Variants in TUB observed in about 807,000 individuals in gnomAD.
TUB encodes tubby protein homolog.
Under a neutral mutation model 59.7 loss-of-function variants are expected in TUB, and 33 were observed. That is an observed-to-expected ratio of 0.55 (90% CI 0.42 to 0.74). TUB has a LOEUF of 0.74. Among genes scored for constraint, TUB ranks in the 30% least tolerant of loss-of-function variants. TUB has a pLI of 0.00. For synonymous variants in TUB, 293 were observed against 256.4 expected, an observed-to-expected ratio of 1.14 and a Z score of -1.36; for missense variants, 659 against 672.0, an observed-to-expected ratio of 0.98 and a Z score of 0.21.
intron 1 of TUB, among the ~76,000 whole-genome samples, chr11:8,031,571 G>A (rs1204584483): frequency 6.6e-6 from 1 of 152,336 alleles, no homozygotes; most frequent in African/African-American, 2.4e-5. Context: ...CGGGGACCTC[G>A]GTCTGCCGTG....
intron 2 of TUB, among the ~76,000 whole-genome samples, chr11:8,043,447 A>G (rs955245677): frequency 1.6e-4 from 24 of 152,106 alleles, no homozygotes; most frequent in African/African-American, 5.3e-4. Flanking sequence ...CTGCTTGTCA[A>G]TTTCCACAAA....
intron 2 of TUB, among the ~76,000 whole-genome samples, chr11:8,055,061 A>T (rs1310133791): frequency 2.6e-5 from 4 of 152,142 alleles, no homozygotes; most frequent in Non-Finnish European, 4.4e-5. Context: ...CCTCAGCTAG[A>T]CAGAGAGGAG....
chr11:8,101,386 T>C, intron 11 of TUB, 100 bp from the exon 12 acceptor site: 2 of 1,453,228 alleles, frequency 1.4e-6, no homozygotes, highest in East Asian at 2.3e-5. Context: ...TGCTTCTCAC[T>C]TGTTCTTCCC....
chr11:8,079,713 GGT>G (rs1176497748), upstream of TUB, among the ~76,000 whole-genome samples: 3 of 140,634 alleles, frequency 2.1e-5, no homozygotes, highest in East Asian at 2.1e-4. Context: ...TGTGTGTAGG[GGT>G]GTGTGTGTGT....
intron 1 of TUB, among the ~76,000 whole-genome samples, chr11:8,082,558 C>T (rs182845286): frequency 1.3e-5 from 2 of 152,330 alleles, no homozygotes; most frequent in East Asian, 1.9e-4. Context: ...ACTCCTAAGG[C>T]CCACTGTGTT....
rs184942368 is a variant in TUB, at chr11:8,101,890, T to C, written c.*271T>C. On this transcript the variant is annotated 3_prime_UTR_variant, in exon 12 of 12. Coordinates refer to ENST00000299506, the MANE Select transcript of TUB (RefSeq NM_177972.3). ...TCAACACACACTCCCACCCTTGGGG[T>C]AGTAGTGTGTTGTAGTCGTACTTAC... 272 of 479,184 alleles carry C rather than the reference T, an allele frequency of 5.7e-4. No homozygotes were observed. Among genetic ancestry groups the C allele is most frequent in the Admixed American group, 8.9e-4 (25 of 28,172 alleles). The allele number at this position is 479,184 out of a possible 1,614,324, so 29.7% of individuals were successfully genotyped here.
chr11:8,054,475 A>C (rs11041721), intron 2 of TUB, among the ~76,000 whole-genome samples: 67,759 of 151,928 alleles, frequency 0.45, 16,635 homozygotes, highest in Middle Eastern at 0.61. Flanking sequence ...AGACAGAGAG[A>C]GAGCACAAGT....
At chr11:8,047,223 A>G (rs1176034685) in intron 2 of TUB, among the ~76,000 whole-genome samples, 1 of 152,128 alleles carries the variant, frequency 6.6e-6, no homozygotes, top group African/African-American at 2.4e-5. Flanking sequence ...TTCCATATGT[A>G]GTGCTCTTCC....
rs759561256 is a variant in TUB, at chr11:8,101,556, G to A, written c.1458G>A (p.Leu486=). Reference sequence around the variant, plus strand: ...TCACCATGGATTACAACTACCCGCTGTGTGCACTGCAGGCCTTTGCCATTG... The same window carrying A: ...TCACCATGGATTACAACTACCCGCTATGTGCACTGCAGGCCTTTGCCATTG... ...DVFTMDYNYP[L]CALQAFAIAL... Residue 486 remains leucine, a synonymous_variant, in exon 12 of 12, where the codon CTG becomes CTA. Transcript: ENST00000299506. 5.6e-6 allele frequency: 9 copies of A among 1,614,136 alleles called. No homozygotes were observed. The African/African-American group carries it at 9.3e-5, about 17-fold the overall frequency.
At chr11:8,065,107 T>C (rs970620805) in intron 2 of TUB, among the ~76,000 whole-genome samples, 5 of 152,102 alleles carry the variant, frequency 3.3e-5, no homozygotes, top group African/African-American at 1.2e-4. Flanking sequence ...GGCTGGGGGA[T>C]CATCACTCCA....
chr11:8,078,885 G>A (rs1168167354), upstream of TUB, among the ~76,000 whole-genome samples: 8 of 151,916 alleles, frequency 5.3e-5, no homozygotes, highest in South Asian at 2.1e-4. Context: ...ATATTCATGC[G>A]TACACTGGCG....
At chr11:8,044,771 T>C (rs535509234) in intron 2 of TUB, among the ~76,000 whole-genome samples, 12 of 152,338 alleles carry the variant, frequency 7.9e-5, no homozygotes, top group African/African-American at 2.9e-4. Flanking sequence ...TGGGGGTTCC[T>C]AGGACCCCTG....
At chr11:8,034,803 G>A (rs978975824), upstream of TUB, among the ~76,000 whole-genome samples, 29 of 152,088 alleles carry the variant, frequency 1.9e-4, no homozygotes, top group African/African-American at 6.5e-4. Flanking sequence ...ACAACCTGAC[G>A]GAGGGCAGGA....
At chr11:8,086,390 AG>A (rs1943666422) in intron 1 of TUB, among the ~76,000 whole-genome samples, 1 of 152,086 alleles carries the variant, frequency 6.6e-6, no homozygotes, top group African/African-American at 2.4e-5. Flanking sequence ...GGGGCGGAGA[AG>A]GGAACTGGGC....
At chr11:8,081,699 A>T (rs1243261350) in intron 1 of TUB, 151 bp downstream of exon 1, 9 of 839,256 alleles carry the variant, frequency 1.1e-5, no homozygotes, top group Non-Finnish European at 1.5e-5. Context: ...TCCTCCCTCA[A>T]CTTTGAGGGC....
chr11:8,038,767 C>T (rs755671107), exon 1 of TUB: 32 of 1,512,292 alleles, frequency 2.1e-5, no homozygotes, highest in Non-Finnish European at 2.5e-5. Context: ...CATCCAAGTG[C>T]TGGTTTCAGT....
chr11:8,048,826 A>G (rs148180481), intron 2 of TUB, among the ~76,000 whole-genome samples: 357 of 152,322 alleles, frequency 2.3e-3, no homozygotes, highest in African/African-American at 7.8e-3. Flanking sequence ...ATGTTATGTA[A>G]TTATATGTAA....
upstream of TUB, chr11:8,035,332 G>A (rs1017407764): frequency 1.3e-5 from 2 of 152,278 alleles, no homozygotes; most frequent in African/African-American, 4.8e-5. Context: ...TTTGCTGGAA[G>A]TATTAAATTT....
chr11:8,057,263 C>T (rs1476304856), intron 2 of TUB, among the ~76,000 whole-genome samples: 1 of 152,128 alleles, frequency 6.6e-6, no homozygotes, highest in Non-Finnish European at 1.5e-5. Context: ...TCAAACTGGC[C>T]GGGCACAGTT....
Sources: gnomAD v4.1 joint callset for allele counts (sites outside exome capture counted in the v4.1 genomes callset) on GRCh38, gnomAD v4.1.1 for gene constraint, MANE v1.5 for transcripts, NCBI Gene and HGNC (gene_info 2026-07-23, HGNC 2026-07-21) for gene names.